The following GRXCR1 variants were observed in gnomAD, a reference collection of about 807,000 sequenced individuals.
The protein encoded by GRXCR1 is glutaredoxin domain-containing cysteine-rich protein 1.
In GRXCR1, 27 loss-of-function variants were observed where a neutral mutation model predicts 27.3. The observed-to-expected ratio is 0.99, with a 90% confidence interval of 0.73 to 1.37. The LOEUF (loss-of-function observed/expected upper bound fraction) is 1.37, where lower values mean the gene tolerates loss of function less well. Among genes scored for constraint, GRXCR1 ranks in the 40% most tolerant of loss-of-function variants. The pLI is 0.00. For missense variants in GRXCR1, 379 were observed against 354.4 expected, an observed-to-expected ratio of 1.07 and a Z score of -0.56; for synonymous variants, 122 against 131.1, an observed-to-expected ratio of 0.93 and a Z score of 0.47.
chr4:42,941,722 G>A (rs1270196560), intron 1 of GRXCR1, among the ~76,000 whole-genome samples: 3 of 151,886 alleles, frequency 2.0e-5, no homozygotes, highest in African/African-American at 7.2e-5. Context: ...GGCCTTAGTT[G>A]GCATTGTGTA....
chr4:42,956,556 A>C (rs2109771872), intron 1 of GRXCR1, among the ~76,000 whole-genome samples: 1 of 152,156 alleles, frequency 6.6e-6, no homozygotes, highest in Middle Eastern at 3.4e-3. Context: ...AGAAAGACCT[A>C]CTTCCAAATC....
chr4:42,973,003 C>A (rs1477578130), intron 2 of GRXCR1, among the ~76,000 whole-genome samples: 5 of 152,146 alleles, frequency 3.3e-5, no homozygotes, highest in African/African-American at 1.2e-4. Flanking sequence ...ACTTTCTCAT[C>A]ATTGGCATTT....
At chr4:43,024,305 C>T (rs919141590) in intron 3 of GRXCR1, among the ~76,000 whole-genome samples, 1 of 145,600 alleles carries the variant, frequency 6.9e-6, no homozygotes, top group Non-Finnish European at 1.5e-5. Context: ...AGATTCCCGG[C>T]TACACACTTA....
At chr4:42,977,864 C>A (rs900520250) in intron 2 of GRXCR1, among the ~76,000 whole-genome samples, 1 of 151,862 alleles carries the variant, frequency 6.6e-6, no homozygotes, top group Non-Finnish European at 1.5e-5. Flanking sequence ...GGAGTCATAT[C>A]CAAAAAATTA....
intron 2 of GRXCR1, among the ~76,000 whole-genome samples, chr4:42,980,725 C>T (rs531076498): frequency 2.8e-4 from 42 of 152,052 alleles, no homozygotes; most frequent in African/African-American, 8.2e-4. Context: ...TTGTTGAAAG[C>T]GGGATAGTGA....
chr4:43,015,707 T>A (rs1278064484), intron 2 of GRXCR1, among the ~76,000 whole-genome samples: 1 of 151,824 alleles, frequency 6.6e-6, no homozygotes, highest in African/African-American at 2.4e-5. Context: ...ATAGATCTTT[T>A]ATTGCAAGCT....
At chr4:42,965,870 G>A (rs565874481) in intron 2 of GRXCR1, among the ~76,000 whole-genome samples, 25 of 152,116 alleles carry the variant, frequency 1.6e-4, no homozygotes, top group African/African-American at 4.6e-4. Context: ...ATTACTGTCA[G>A]TGTTACCCAA....
rs1206651695 is a variant in GRXCR1, at chr4:42,950,632, A to AGTAGTGATAGATGGCAT, written c.385-12257_385-12241dup. The stretch of plus-strand genomic sequence containing the variant: ...TTCTTCCAGCTATGACACTTTGGGT[A>AGTAGTGATAGATGGCAT]GTAGTGATAGATGGCATGTTTGTGA... On this transcript the variant is annotated intron_variant, in intron 1 of 3. Transcript: ENST00000399770. Among the ~76,000 whole-genome samples, 6 of 152,322 alleles carry AGTAGTGATAGATGGCAT rather than the reference A, an allele frequency of 3.9e-5. No individual in the cohort carries two copies. In the East Asian group the frequency reaches 9.7e-4, roughly 25 times the overall value.
intron 2 of GRXCR1, among the ~76,000 whole-genome samples, chr4:42,987,230 TATATATATATA>T (rs1384216158): frequency 1.2e-5 from 1 of 85,522 alleles, no homozygotes; most frequent in Non-Finnish European, 2.3e-5. Flanking sequence ...TATTATATAT[TATATATATATA>T]ATATATAATA....
chr4:42,985,770 T>C (rs1323654638), intron 2 of GRXCR1, among the ~76,000 whole-genome samples: 1 of 152,178 alleles, frequency 6.6e-6, no homozygotes, highest in Non-Finnish European at 1.5e-5. Context: ...AAAGAAAGAA[T>C]TGGGAGAGCC....
chr4:42,894,418 A>G (rs903777893), intron 1 of GRXCR1, among the ~76,000 whole-genome samples: 2 of 152,136 alleles, frequency 1.3e-5, no homozygotes, highest in African/African-American at 4.8e-5. Context: ...TGTTAAAAAC[A>G]GATATCATTA....
intron 1 of GRXCR1, among the ~76,000 whole-genome samples, chr4:42,942,957 C>A (rs867658962): frequency 1.3e-5 from 2 of 151,938 alleles, no homozygotes; most frequent in Non-Finnish European, 2.9e-5. Flanking sequence ...AAAGCATGGA[C>A]TGAAGAGTAA....
chr4:42,990,304 G>A (rs1002424603), intron 2 of GRXCR1, among the ~76,000 whole-genome samples: 2 of 139,176 alleles, frequency 1.4e-5, no homozygotes. Flanking sequence ...CCATTCTCCT[G>A]CCTCAGCCTC....
chr4:42,895,067 G>A (rs77403158), intron 1 of GRXCR1, among the ~76,000 whole-genome samples: 4,401 of 151,974 alleles, frequency 0.029, 113 homozygotes, highest in South Asian at 0.1. Flanking sequence ...CAAATTTATT[G>A]TTTATGAGTA....
intron 2 of GRXCR1, among the ~76,000 whole-genome samples, chr4:43,014,055 A>C (rs1291153703): frequency 3.7e-5 from 1 of 27,108 alleles, no homozygotes; most frequent in Non-Finnish European, 6.5e-5. Flanking sequence ...ACATAATTGC[A>C]AAAAAAAAAA....
intron 2 of GRXCR1, among the ~76,000 whole-genome samples, chr4:42,979,296 T>C (rs535099566): frequency 6.6e-6 from 1 of 152,204 alleles, no homozygotes; most frequent in Admixed American, 6.6e-5. Context: ...CTTTTCCTCA[T>C]TGAGTATGAT....
chr4:43,021,972 C>T (rs997367181), intron 3 of GRXCR1, among the ~76,000 whole-genome samples: 6 of 152,094 alleles, frequency 3.9e-5, no homozygotes, highest in African/African-American at 1.4e-4. Flanking sequence ...ATCTTGATTT[C>T]TTTATCTATT....
At chr4:43,010,770 A>G (rs920802936) in intron 2 of GRXCR1, among the ~76,000 whole-genome samples, 6 of 152,212 alleles carry the variant, frequency 3.9e-5, no homozygotes, top group African/African-American at 1.4e-4. Context: ...GTGATTTTTA[A>G]AAAAGCTCTT....
At chr4:43,004,594 C>T (rs1313035479) in intron 2 of GRXCR1, among the ~76,000 whole-genome samples, 1 of 152,148 alleles carries the variant, frequency 6.6e-6, no homozygotes, top group Non-Finnish European at 1.5e-5. Flanking sequence ...GGGAGCCCAC[C>T]CTTTGCATCA....
Sources: gnomAD v4.1 joint callset for allele counts (sites outside exome capture counted in the v4.1 genomes callset) on GRCh38, gnomAD v4.1.1 for gene constraint, MANE v1.5 for transcripts, NCBI Gene and HGNC (gene_info 2026-07-23, HGNC 2026-07-21) for gene names.